Variants in EYS observed in about 807,000 individuals in gnomAD.
The protein encoded by EYS is protein eyes shut homolog.
EYS carries 250 observed loss-of-function variants against 282.1 expected under a neutral mutation model. The observed-to-expected ratio is 0.89, with a 90% CI of 0.80 to 0.98. The LOEUF is 0.98. Ranked by LOEUF, EYS falls within the 50% of genes least tolerant of loss-of-function variation. The probability of loss-of-function intolerance (pLI) is 0.00; values close to 1 mark genes in which losing one functional copy is unlikely to be tolerated. For missense variants in EYS, 4,016 were observed against 3,709.0 expected (o/e 1.08, Z -2.15); for synonymous variants, 1,355 against 1,282.9 (o/e 1.06, Z -1.20).
At chr6:64,378,740 G>T (rs1332142780) in intron 29 of EYS, among the ~76,000 whole-genome samples, 2 of 152,248 alleles carry the variant, frequency 1.3e-5, no homozygotes, top group South Asian at 4.1e-4. Context: ...AGGGAGCTAG[G>T]AATCCAACTC....
At chr6:64,671,919 C>T (rs1466968782) in intron 22 of EYS, among the ~76,000 whole-genome samples, 3 of 151,652 alleles carry the variant, frequency 2.0e-5, no homozygotes, top group Non-Finnish European at 4.4e-5. Context: ...TTATGATCAC[C>T]TCACTGTAAT....
chr6:63,792,941 C>T (rs1459194511), intron 37 of EYS, among the ~76,000 whole-genome samples: 1 of 152,188 alleles, frequency 6.6e-6, no homozygotes, highest in Non-Finnish European at 1.5e-5. Context: ...ATACAATATG[C>T]ATGTTTGCTC....
intron 22 of EYS, among the ~76,000 whole-genome samples, chr6:64,660,741 C>T (rs1054802919): frequency 6.6e-6 from 1 of 152,008 alleles, no homozygotes; most frequent in African/African-American, 2.4e-5. Flanking sequence ...TAAAAGAGGA[C>T]AGAAACAAAT....
chr6:65,157,101 A>C (rs981758302), intron 12 of EYS, among the ~76,000 whole-genome samples: 1 of 151,132 alleles, frequency 6.6e-6, no homozygotes, highest in African/African-American at 2.4e-5. Flanking sequence ...ACTCCTTAAA[A>C]TATCTCCATT....
In EYS at chr6:65,388,070, A is replaced by T. The variant is rs146979176; in HGVS notation, c.1185-3570T>A. ...TGTGTGGGCATAGACAAATGTCCAG[A>T]CCTATGGACTACTTCATATGATGAA... On this transcript the variant is annotated intron_variant, in intron 7 of 42. Coordinates refer to ENST00000503581, the MANE Select transcript of EYS (RefSeq NM_001142800.2). Among the ~76,000 whole-genome samples, 144 of 152,184 alleles carry T rather than the reference A, an allele frequency of 9.5e-4. 1 individual carries two copies. Among genetic ancestry groups the T allele is most frequent in the South Asian group, 4.4e-3 (21 of 4,824 alleles).
chr6:64,313,416 C>T (rs574008516), intron 29 of EYS, among the ~76,000 whole-genome samples: 8 of 152,108 alleles, frequency 5.3e-5, no homozygotes, highest in African/African-American at 9.6e-5. Context: ...ATTGTTGTAC[C>T]TGAAAATGAT....
rs542105738 is a variant in EYS at position 65,098,549 on chromosome 6, T to C, written c.2024-40822A>G. On this transcript the variant is annotated intron_variant, in intron 12 of 42. Coordinates refer to ENST00000503581, the MANE Select transcript of EYS (RefSeq NM_001142800.2). ...AATGACAATATGTACCAGCAGTAAA[T>C]TGGCTTATCTTTTGGACCAGAAGAG... Among the ~76,000 whole-genome samples the C allele has an allele frequency of 1.3e-4, 19 of 150,896 alleles. No homozygotes were observed. The East Asian group carries it at 3.3e-3, about 26-fold the overall frequency.
chr6:65,406,318 T>C (rs1276933066), intron 5 of EYS, among the ~76,000 whole-genome samples: 2 of 152,104 alleles, frequency 1.3e-5, no homozygotes, highest in African/African-American at 2.4e-5. Context: ...TTTGTATATA[T>C]TGAATAAAAG....
chr6:65,136,662 GAC>G (rs1018434701), intron 12 of EYS, among the ~76,000 whole-genome samples: 1 of 125,244 alleles, frequency 8.0e-6, no homozygotes, highest in African/African-American at 3.8e-5. Flanking sequence ...TATGTTACTA[GAC>G]AAAAAAATAT....
intron 12 of EYS, among the ~76,000 whole-genome samples, chr6:65,140,819 A>G (rs113093702): frequency 0.085 from 12,562 of 148,634 alleles, 553 homozygotes; most frequent in African/African-American, 0.11. Flanking sequence ...TTAGAATGGC[A>G]ATCATTAAAA....
intron 31 of EYS, among the ~76,000 whole-genome samples, chr6:64,177,389 T>C (rs1410098304): frequency 6.6e-6 from 1 of 151,922 alleles, no homozygotes; most frequent in Non-Finnish European, 1.5e-5. Context: ...ACTATTTGAT[T>C]TCCTTTCTTC....
chr6:64,591,445 A>C lies in EYS; in HGVS notation c.4422T>G (p.Ala1474=). 6.4e-7 allele frequency: 1 copy of C among 1,551,414 alleles called. No individual in the cohort carries two copies. Among genetic ancestry groups the C allele is most frequent in the South Asian group, 1.2e-5 (1 of 84,068 alleles). The change falls in exon 26 of 43, where the codon GCT becomes GCG. Residue 1474 remains alanine, a synonymous_variant. Coordinates refer to ENST00000503581, the MANE Select transcript of EYS (RefSeq NM_001142800.2). ...GCTCTCTTCTTGAAATTAAAGAATCAGCTGAATATTCTTCAATATCCTCTT... is the reference window on the plus strand; with the variant it reads ...GCTCTCTTCTTGAAATTAAAGAATCCGCTGAATATTCTTCAATATCCTCTT... ...GAQEDIEEYS[A]DSLISRREHW... is the part of the protein sequence containing the mutation.
chr6:65,282,168 T>C (rs942264580), intron 12 of EYS, among the ~76,000 whole-genome samples: 9 of 151,898 alleles, frequency 5.9e-5, no homozygotes, highest in Non-Finnish European at 1.0e-4. Context: ...CACAGCATGG[T>C]GAATATAGGT....
chr6:64,041,808 C>G (rs1017029432), intron 33 of EYS, among the ~76,000 whole-genome samples: 1 of 152,138 alleles, frequency 6.6e-6, no homozygotes, highest in Non-Finnish European at 1.5e-5. Flanking sequence ...CTTAATATAT[C>G]TAACTGTAAG....
At chr6:64,196,253 A>T (rs1301430538) in intron 31 of EYS, among the ~76,000 whole-genome samples, 1 of 152,156 alleles carries the variant, frequency 6.6e-6, no homozygotes, top group South Asian at 2.1e-4. Flanking sequence ...AACAGGTGCT[A>T]GAGAGGATGT....
intron 31 of EYS, among the ~76,000 whole-genome samples, chr6:64,150,422 A>G (rs1326022613): frequency 6.6e-6 from 1 of 152,192 alleles, no homozygotes; most frequent in Non-Finnish European, 1.5e-5. Flanking sequence ...TCACACAACA[A>G]ATATAAGAAA....
At chr6:63,832,500 C>A (rs1200851003) in intron 36 of EYS, among the ~76,000 whole-genome samples, 1 of 152,110 alleles carries the variant, frequency 6.6e-6, no homozygotes, top group Admixed American at 6.5e-5. Flanking sequence ...CATATACCCT[C>A]CCAACACTAA....
At chr6:64,343,970 T>A (rs1189239506) in intron 29 of EYS, among the ~76,000 whole-genome samples, 1 of 152,130 alleles carries the variant, frequency 6.6e-6, no homozygotes, top group Non-Finnish European at 1.5e-5. Flanking sequence ...AATGGATAAA[T>A]TCCTGGACAC....
At chr6:65,541,841 C>A (rs1768180131) in intron 2 of EYS, among the ~76,000 whole-genome samples, 1 of 151,940 alleles carries the variant, frequency 6.6e-6, no homozygotes, top group Non-Finnish European at 1.5e-5. Flanking sequence ...TTGATGAATG[C>A]CTACAGAACA....
Sources: gnomAD v4.1 joint callset for allele counts (sites outside exome capture counted in the v4.1 genomes callset) on GRCh38, gnomAD v4.1.1 for gene constraint, MANE v1.5 for transcripts, NCBI Gene and HGNC (gene_info 2026-07-23, HGNC 2026-07-21) for gene names.